The following TMEM114 variants were observed in gnomAD, a reference collection of about 807,000 sequenced individuals.
TMEM114 encodes the protein claudin-26.
TMEM114 carries 6 observed loss-of-function variants against 6.2 expected under a neutral mutation model. That is an observed-to-expected ratio of 0.97 (90% CI 0.53 to 1.91). TMEM114 has a LOEUF of 1.91. TMEM114 is among the 40% of genes most tolerant of loss of function. The probability of loss-of-function intolerance (pLI) is 0.01; values close to 1 mark genes in which losing one functional copy is unlikely to be tolerated. For synonymous variants in TMEM114, 104 were observed against 73.0 expected (o/e 1.42, Z -2.16); for missense variants, 218 against 158.3 (o/e 1.38, Z -2.02).
downstream of TMEM114, chr16:8,569,474 G>A: frequency 7.9e-7 from 1 of 1,258,894 alleles, no homozygotes. Context: ...GGGGCGTGAG[G>A]ACTTTGCAAT....
Position 8,562,997 on chromosome 16 carries a change from T to G in TMEM114, n.213-25171A>C, listed in dbSNP as rs951437572. On this transcript the variant is annotated intron_variant and non_coding_transcript_variant, in intron 2 of 2. Coordinates refer to the TMEM114 transcript ENST00000623677. ...GTGATGGAGGGAAGGAGTGAGTGAA[T>G]GAGTGAGTGAATGAATGAGTGAGTG... Among the ~76,000 whole-genome samples the G allele has an allele frequency of 3.7e-4, 53 of 142,298 alleles. 4 individuals are homozygous for G. The highest frequency in any genetic ancestry group is 1.4e-3 in the African/African-American group (52 of 37,522). The allele number at this position is 142,298 out of a possible 152,430, so 93.4% of individuals were successfully genotyped here. A position where few individuals can be genotyped will look rare whatever the true frequency, so the allele number is the denominator to read the frequency against.
intron 2 of TMEM114, among the ~76,000 whole-genome samples, chr16:8,575,532 C>T (rs1302246364): frequency 6.6e-6 from 1 of 152,172 alleles, no homozygotes; most frequent in Admixed American, 6.5e-5. Flanking sequence ...CACACTTCTC[C>T]GTTTATTGTT....
chr16:8,586,514 T>G (rs573986792), intron 2 of TMEM114, among the ~76,000 whole-genome samples: 2 of 150,330 alleles, frequency 1.3e-5, no homozygotes, highest in Admixed American at 1.3e-4. Flanking sequence ...TCATTCTTTT[T>G]TTTTGTTTTT....
At chr16:8,573,382 A>G (rs1901801194) in intron 2 of TMEM114, among the ~76,000 whole-genome samples, 1 of 152,196 alleles carries the variant, frequency 6.6e-6, no homozygotes, top group Non-Finnish European at 1.5e-5. Flanking sequence ...TCCCAAGCCC[A>G]AACAGTCAAA....
chr16:8,560,846 T>A (rs1901175094), intron 2 of TMEM114, among the ~76,000 whole-genome samples: 1 of 152,186 alleles, frequency 6.6e-6, no homozygotes, highest in African/African-American at 2.4e-5. Context: ...TCTCCACTGT[T>A]GGTAAAGACA....
intron 2 of TMEM114, among the ~76,000 whole-genome samples, chr16:8,544,866 T>C (rs1056644766): frequency 6.6e-6 from 1 of 152,072 alleles, no homozygotes; most frequent in African/African-American, 2.4e-5. Context: ...CTCAGAGATA[T>C]AAATAAAATA....
Position 8,569,974 on chromosome 16 carries a change from G to A in TMEM114, c.471C>T (p.Tyr157=), listed in dbSNP as rs1031301734. ...GGAAGGCGGCGGCTGAATACGCTAT[G>A]TAGACGCTGATCCCAGCGAGGGTCA... The part of the protein sequence containing the change: ...AMVTLAGISV[Y]IAYSAAAFRE... Residue 157 remains tyrosine, a synonymous_variant, in exon 4 of 4, where the codon TAC becomes TAT. Coordinates refer to ENST00000620492, the MANE Select transcript of TMEM114 (RefSeq NM_001146336.2). The A allele has an allele frequency of 1.9e-6, 3 of 1,550,848 alleles. No homozygotes were observed. The highest frequency in any genetic ancestry group is 2.6e-6 in the Non-Finnish European group (3 of 1,146,876).
downstream of TMEM114, among the ~76,000 whole-genome samples, chr16:8,565,772 G>C (rs1901521709): frequency 6.6e-6 from 1 of 152,164 alleles, no homozygotes; most frequent in Non-Finnish European, 1.5e-5. Context: ...ATCACCTGGG[G>C]AACTTTGTGA....
In TMEM114 at chr16:8,572,268, A is replaced by G. The variant is rs1468985307; in HGVS notation, c.302-44T>C. On this transcript the variant is annotated intron_variant, in intron 2 of 3. Transcript: ENST00000620492. ...GATACCAGGCAGAGGACAGTTACTA[A>G]CATCCTTCATTCAATCAACAAACAC... The G allele has an allele frequency of 3.9e-6, 6 of 1,550,432 alleles. No individual in the cohort carries two copies. In the South Asian group the frequency reaches 7.1e-5, roughly 18 times the overall value.
chr16:8,544,982 T>A (rs1235971505), intron 2 of TMEM114, among the ~76,000 whole-genome samples: 1 of 152,118 alleles, frequency 6.6e-6, no homozygotes, highest in Non-Finnish European at 1.5e-5. Flanking sequence ...CTTGTGAGGC[T>A]TGGCATTGAA....
chr16:8,571,397 C>G (rs1325134722), intron 3 of TMEM114, among the ~76,000 whole-genome samples: 26 of 152,150 alleles, frequency 1.7e-4, no homozygotes, highest in Admixed American at 1.7e-3. Context: ...TCAAACTATT[C>G]AACACAGGCA....
chr16:8,563,626 T>A (rs1051606073), intron 2 of TMEM114, among the ~76,000 whole-genome samples: 1 of 147,276 alleles, frequency 6.8e-6, no homozygotes, highest in Non-Finnish European at 1.5e-5. Context: ...ACTGAATGAG[T>A]GAGTGAATGA....
intron 2 of TMEM114, among the ~76,000 whole-genome samples, chr16:8,563,439 G>C (rs1434276137): frequency 6.6e-6 from 1 of 150,806 alleles, no homozygotes; most frequent in Admixed American, 6.6e-5. Context: ...GTGAGGCAAT[G>C]AGTAAGTGAA....
At chr16:8,565,261 A>C (rs1901502424), downstream of TMEM114, among the ~76,000 whole-genome samples, 1 of 152,192 alleles carries the variant, frequency 6.6e-6, no homozygotes, top group African/African-American at 2.4e-5. Flanking sequence ...AAGCAAGTGA[A>C]CTTATGAATG....
intron 2 of TMEM114, among the ~76,000 whole-genome samples, chr16:8,564,306 GAAA>G (rs1398684977): frequency 1.7e-4 from 14 of 82,806 alleles, no homozygotes; most frequent in South Asian, 4.3e-4. Context: ...AATGAGTGAT[GAAA>G]TAAGTGAATG....
chr16:8,577,177 T>G (rs1901968903), intron 2 of TMEM114, among the ~76,000 whole-genome samples: 1 of 152,244 alleles, frequency 6.6e-6, no homozygotes, highest in Non-Finnish European at 1.5e-5. Flanking sequence ...GCAGATGACT[T>G]GGGCTCAAGC....
intron 2 of TMEM114, among the ~76,000 whole-genome samples, chr16:8,579,468 A>G (rs74403467): frequency 5.9e-5 from 9 of 152,026 alleles, no homozygotes; most frequent in East Asian, 3.9e-4. Context: ...ATATATATAT[A>G]TGTGTGTCCT....
chr16:8,568,547 G>A (rs1901620616), downstream of TMEM114, among the ~76,000 whole-genome samples: 1 of 152,192 alleles, frequency 6.6e-6, no homozygotes, highest in Non-Finnish European at 1.5e-5. Flanking sequence ...TGTCAGCTAT[G>A]ATGATGACAG....
downstream of TMEM114, among the ~76,000 whole-genome samples, chr16:8,535,307 A>G (rs1900323408): frequency 6.6e-6 from 1 of 152,174 alleles, no homozygotes. Flanking sequence ...TTTTATTATT[A>G]CTTTGATTCC....
Sources: gnomAD v4.1 joint callset for allele counts (sites outside exome capture counted in the v4.1 genomes callset) on GRCh38, gnomAD v4.1.1 for gene constraint, MANE v1.5 for transcripts, NCBI Gene and HGNC (gene_info 2026-07-23, HGNC 2026-07-21) for gene names.